TICAM2: variants seen among roughly 807,000 people sequenced by gnomAD.
TICAM2 encodes TIR domain-containing adapter molecule 2.
Under a neutral mutation model 7.3 loss-of-function variants are expected in TICAM2, and 8 were observed. The observed-to-expected ratio is 1.10, with a 90% CI of 0.65 to 1.99. The LOEUF (loss-of-function observed/expected upper bound fraction) is 1.99, where lower values mean the gene tolerates loss of function less well. Among genes scored for constraint, TICAM2 ranks in the 30% most tolerant of loss-of-function variants. TICAM2 has a pLI of 0.00. For synonymous variants in TICAM2, 113 were observed against 99.6 expected (o/e 1.13, Z -0.80); for missense variants, 304 against 278.8 (o/e 1.09, Z -0.65).
chr5:115,595,470 T>C (rs1268323361), intron 1 of TICAM2, among the ~76,000 whole-genome samples: 2 of 152,190 alleles, frequency 1.3e-5, no homozygotes, highest in African/African-American at 2.4e-5. Flanking sequence ...TCAAGACCTA[T>C]ATTATTCCTC....
intron 1 of TICAM2, among the ~76,000 whole-genome samples, chr5:115,582,661 G>C (rs776440738): frequency 6.6e-6 from 1 of 152,246 alleles, no homozygotes; most frequent in South Asian, 2.1e-4. Context: ...AGAACATTTA[G>C]AATATATAAA....
At chr5:115,581,410 T>C (rs1754918704) in intron 1 of TICAM2, 95 bp from the exon 2 acceptor site, 10 of 1,341,938 alleles carry the variant, frequency 7.5e-6, no homozygotes, top group African/African-American at 1.5e-5. Context: ...AAAAAGATTA[T>C]AATAGACAGA....
chr5:115,580,724 T>A lies in TICAM2; in HGVS notation c.533A>T (p.Asn178Ile), dbSNP rs1416627658. The A allele has an allele frequency of 8.7e-6, 14 of 1,601,066 alleles. No homozygotes were observed. In the Admixed American group the frequency reaches 2.4e-4, roughly 28 times the overall value. Residue 178 changes from asparagine (N) to isoleucine (I), a missense_variant, in exon 2 of 2, where the codon AAT becomes ATT. Physicochemically the swap from Asn to Ile is moderately radical, Grantham distance 149. Coordinates refer to ENST00000427199, the MANE Select transcript of TICAM2 (RefSeq NM_021649.7). ...GGGAGTCCTTTCTCGGGGAAGGGGA[T>A]TGTTCAGGGGCCGCATGGGTATAAC... ...NSVIPMRPLN[N>I]PLPRERTPFA...
At chr5:115,595,559 T>C (rs1249995144) in intron 1 of TICAM2, among the ~76,000 whole-genome samples, 1 of 152,226 alleles carries the variant, frequency 6.6e-6, no homozygotes, top group Admixed American at 6.5e-5. Context: ...CATTTCTAGA[T>C]AGATCTTTCT....
chr5:115,586,696 G>T (rs1465706233), intron 1 of TICAM2, among the ~76,000 whole-genome samples: 1 of 152,046 alleles, frequency 6.6e-6, no homozygotes, highest in Non-Finnish European at 1.5e-5. Context: ...AGCCTTTTTC[G>T]TTCATATCTG....
chr5:115,594,734 G>GA (rs1419684002), intron 1 of TICAM2, among the ~76,000 whole-genome samples: 6 of 152,174 alleles, frequency 3.9e-5, no homozygotes, highest in African/African-American at 1.4e-4. Context: ...AATGACCACA[G>GA]AAAAAGAGGA....
rs1251557708 is a variant in TICAM2, at chr5:115,578,943, C to T, written c.*1606G>A. ...ACTTACTTGCATGCTCCTCATAGAA[C>T]GTTTTGGTTCATGGCTATGAAGAGG... On this transcript the variant is annotated 3_prime_UTR_variant, in exon 2 of 2. Coordinates refer to ENST00000427199, the MANE Select transcript of TICAM2 (RefSeq NM_021649.7). 1 of 152,516 alleles carries T rather than the reference C, an allele frequency of 6.6e-6. No homozygotes were observed. The highest frequency in any genetic ancestry group is 2.4e-5 in the African/African-American group (1 of 41,408). 9.4% of individuals were successfully genotyped at this position (152,516 alleles called of 1,614,324 possible).
rs554964435 is a variant in TICAM2 at position 115,587,323 on chromosome 5, G to A, written c.-59-6008C>T. On this transcript the variant is annotated intron_variant, in intron 1 of 1. Transcript: ENST00000427199. The stretch of plus-strand genomic sequence containing the variant: ...GATGATGAATATTACAGATGATATG[G>A]TGACCTATGGGACTTTGAGTTGTAC... Among the ~76,000 whole-genome samples, 3 of 152,278 alleles carry A rather than the reference G, an allele frequency of 2.0e-5. No individual in the cohort carries two copies. The South Asian group carries it at 6.2e-4, about 32-fold the overall frequency.
At chr5:115,598,326 T>G (rs1755589425) in intron 1 of TICAM2, among the ~76,000 whole-genome samples, 1 of 152,202 alleles carries the variant, frequency 6.6e-6, no homozygotes, top group Non-Finnish European at 1.5e-5. Context: ...TTTCATCTGT[T>G]TTTTATTTAT....
Position 115,598,552 on chromosome 5 carries a change from A to T in TICAM2, c.-60+3545T>A, listed in dbSNP as rs144062491. ...CCTATCTCTTCACTCAGTTGCTAGG[A>T]AGCTCCACGTTAATGAGTGCTCTGG... On this transcript the variant is annotated intron_variant, in intron 1 of 1. Coordinates refer to ENST00000427199, the MANE Select transcript of TICAM2 (RefSeq NM_021649.7). Among the ~76,000 whole-genome samples, 12 of 152,284 alleles carry T rather than the reference A, an allele frequency of 7.9e-5. No individual in the cohort carries two copies. The East Asian group carries it at 2.3e-3, about 29-fold the overall frequency.
intron 1 of TICAM2, among the ~76,000 whole-genome samples, chr5:115,596,209 C>T (rs1755503822): frequency 6.6e-6 from 1 of 152,142 alleles, no homozygotes; most frequent in Non-Finnish European, 1.5e-5. Context: ...CATTCTAGAT[C>T]AATGTCTCTA....
At position 115,581,141 on chromosome 5, in the gene TICAM2, T is replaced by A. The variant is rs1754908063; in HGVS notation, c.116A>T (p.Asp39Val). 9 of 1,614,074 alleles carry A rather than the reference T, an allele frequency of 5.6e-6. No individual in the cohort carries two copies. The highest frequency in any genetic ancestry group is 6.8e-6 in the Non-Finnish European group (8 of 1,180,020). The change falls in exon 2 of 2, where the codon GAT (aspartate) becomes GTT (valine). Residue 39 changes from aspartate to valine, a missense_variant. Physicochemically the swap from Asp to Val is radical, Grantham distance 152. Coordinates refer to ENST00000427199, the MANE Select transcript of TICAM2 (RefSeq NM_021649.7). Reference protein sequence around the residue: ...YHESDSKKSEDLSLCNVAEHS... With the variant: ...YHESDSKKSEVLSLCNVAEHS... ...CTCAGCAACATTACACAAGGATAGA[T>A]CTTCAGACTTCTTGGAATCTGACTC...
intron 1 of TICAM2, among the ~76,000 whole-genome samples, chr5:115,586,416 TG>T (rs1480182397): frequency 2.2e-5 from 2 of 91,552 alleles, no homozygotes; most frequent in Admixed American, 9.8e-5. Context: ...GGTAGAGTGT[TG>T]GAAAAAAAAA....
intron 1 of TICAM2, among the ~76,000 whole-genome samples, chr5:115,588,781 T>C (rs1298935669): frequency 6.6e-6 from 1 of 152,194 alleles, no homozygotes; most frequent in East Asian, 1.9e-4. Flanking sequence ...ATGAAGCACC[T>C]GTTTTGCTGG....
chr5:115,599,828 C>A (rs1490636475), intron 1 of TICAM2, among the ~76,000 whole-genome samples: 2 of 147,972 alleles, frequency 1.4e-5, no homozygotes, highest in Non-Finnish European at 3.0e-5. Flanking sequence ...GGCTTTAAAG[C>A]CATTGTAAGC....
intron 1 of TICAM2, among the ~76,000 whole-genome samples, chr5:115,594,348 G>A (rs991316966): frequency 8.5e-5 from 13 of 152,170 alleles, no homozygotes; most frequent in Admixed American, 1.3e-4. Context: ...ATATGGTTGT[G>A]TGCTTTCCTA....
intron 1 of TICAM2, among the ~76,000 whole-genome samples, chr5:115,590,664 T>G (rs752138097): frequency 2.0e-5 from 3 of 152,200 alleles, no homozygotes; most frequent in Non-Finnish European, 2.9e-5. Flanking sequence ...TTCTTTAAGA[T>G]TTTTCAGGTT....
chr5:115,584,080 T>C lies in TICAM2; in HGVS notation c.-59-2765A>G, dbSNP rs146264856. ...CCATCCATCCTGTTACTTATTCCCATGGTCTCCTGCTGGTGACCACTTTTA... is the reference window on the plus strand; with the variant it reads ...CCATCCATCCTGTTACTTATTCCCACGGTCTCCTGCTGGTGACCACTTTTA... On this transcript the variant is annotated intron_variant, in intron 1 of 1. Coordinates refer to ENST00000427199, the MANE Select transcript of TICAM2 (RefSeq NM_021649.7). 4.9e-3 allele frequency among the ~76,000 whole-genome samples: 742 copies of C among 152,348 alleles called. 13 individuals are homozygous for C. Among genetic ancestry groups the C allele is most frequent in the African/African-American group, 0.017 (703 of 41,580 alleles).
chr5:115,579,138 A>G lies in TICAM2; in HGVS notation c.*1411T>C, dbSNP rs757755672. On this transcript the variant is annotated 3_prime_UTR_variant, in exon 2 of 2. Coordinates refer to ENST00000427199, the MANE Select transcript of TICAM2 (RefSeq NM_021649.7). ...TTTTTTTCCTGTGACTTTAAGTGTA[A>G]TGACAGCATTAAAAATAAATTATGC... 6.6e-6 allele frequency: 1 copy of G among 152,654 alleles called. No homozygotes were observed. The highest frequency in any genetic ancestry group is 1.5e-5 in the Non-Finnish European group (1 of 68,034). The allele number at this position is 152,654 out of a possible 1,614,324, so 9.5% of individuals were successfully genotyped here. A position where few individuals can be genotyped will look rare whatever the true frequency, so the allele number is the denominator to read the frequency against.
Sources: gnomAD v4.1 joint callset for allele counts (sites outside exome capture counted in the v4.1 genomes callset) on GRCh38, gnomAD v4.1.1 for gene constraint, MANE v1.5 for transcripts, NCBI Gene and HGNC (gene_info 2026-07-23, HGNC 2026-07-21) for gene names.